MAP2K5: variants seen among roughly 807,000 people sequenced by gnomAD.
MAP2K5 encodes mitogen-activated protein kinase kinase 5.
Under a neutral mutation model 83.1 loss-of-function variants are expected in MAP2K5, and 49 were observed. That is an observed-to-expected ratio of 0.59 (90% CI 0.47 to 0.75). MAP2K5 has a LOEUF of 0.75. MAP2K5 is among the 30% of genes least tolerant of loss of function. The pLI is 0.00. For synonymous variants in MAP2K5, 202 were observed against 191.8 expected (o/e 1.05, Z -0.44); for missense variants, 457 against 557.5 (o/e 0.82, Z 1.82).
chr15:67,725,497 G>A (rs963906496), intron 16 of MAP2K5, among the ~76,000 whole-genome samples: 41 of 152,194 alleles, frequency 2.7e-4, no homozygotes, highest in Admixed American at 2.3e-3. Flanking sequence ...CTATATGTGT[G>A]GTGGGCAAGT....
intron 15 of MAP2K5, 27 bp downstream of exon 15, chr15:67,693,595 T>C: frequency 2.0e-6 from 3 of 1,513,924 alleles, no homozygotes; most frequent in Non-Finnish European, 2.8e-6. Context: ...AAAAATAATG[T>C]TTAAAACCAA....
chr15:67,744,091 A>G (rs2089553870), intron 17 of MAP2K5, among the ~76,000 whole-genome samples: 1 of 152,184 alleles, frequency 6.6e-6, no homozygotes, highest in South Asian at 2.1e-4. Flanking sequence ...GAACTAGATC[A>G]TCTCTGGGGT....
intron 11 of MAP2K5, among the ~76,000 whole-genome samples, chr15:67,648,274 T>C (rs1268140345): frequency 4.6e-5 from 7 of 152,204 alleles, no homozygotes; most frequent in Non-Finnish European, 1.0e-4. Flanking sequence ...ATTTATCTTC[T>C]GTCTCTATGG....
chr15:67,797,688 G>T (rs2090627963), intron 21 of MAP2K5, among the ~76,000 whole-genome samples: 1 of 151,612 alleles, frequency 6.6e-6, no homozygotes, highest in South Asian at 2.1e-4. Flanking sequence ...TCTTTCATTG[G>T]TTCTTTTTTT....
intron 3 of MAP2K5, among the ~76,000 whole-genome samples, chr15:67,575,569 A>G (rs1035753908): frequency 6.6e-6 from 1 of 152,200 alleles, no homozygotes; most frequent in Admixed American, 6.5e-5. Flanking sequence ...CTACCTATTT[A>G]GGTAAATGTT....
At chr15:67,560,726 T>C (rs1407239045) in intron 2 of MAP2K5, among the ~76,000 whole-genome samples, 1 of 152,250 alleles carries the variant, frequency 6.6e-6, no homozygotes, top group Non-Finnish European at 1.5e-5. Context: ...TTCTGGTAGC[T>C]GACTTCTTTC....
intron 19 of MAP2K5, among the ~76,000 whole-genome samples, chr15:67,756,515 C>CTCTG (rs376708425): frequency 3.0e-5 from 4 of 131,544 alleles, no homozygotes; most frequent in South Asian, 2.7e-4. Context: ...CACACAGTTA[C>CTCTG]TGTGTGTGTG....
At chr15:67,576,638 G>A (rs62015152) in intron 3 of MAP2K5, among the ~76,000 whole-genome samples, 15,509 of 147,122 alleles carry the variant, frequency 0.11, 2,232 homozygotes, top group East Asian at 0.15. Context: ...GATTATCGCT[G>A]CAGTTACTGC....
intron 17 of MAP2K5, among the ~76,000 whole-genome samples, chr15:67,745,185 C>G (rs2089577400): frequency 6.6e-6 from 1 of 152,176 alleles, no homozygotes; most frequent in Non-Finnish European, 1.5e-5. Context: ...TCAACACACG[C>G]AAAATGTATA....
rs934286297 is a variant in MAP2K5 at position 67,757,379 on chromosome 15, C to T, written c.1134+8778C>T. Among the ~76,000 whole-genome samples the T allele has an allele frequency of 2.0e-5, 3 of 152,184 alleles. No individual in the cohort carries two copies. Among genetic ancestry groups the T allele is most frequent in the Admixed American group, 6.5e-5 (1 of 15,278 alleles). On this transcript the variant is annotated intron_variant, in intron 19 of 21. Transcript: ENST00000178640. The surrounding 1 kb of genome is among the most constrained non-coding windows in gnomAD (Gnocchi z 4.9). ...ACACATTTCTAAAAGCCCTTGACCC[C>T]TTTATGTTGCTCAAAAACCCAACCT... is the stretch of plus-strand genomic sequence containing the variant.
chr15:67,647,534 C>T (rs1438853824), intron 11 of MAP2K5, among the ~76,000 whole-genome samples: 2 of 152,024 alleles, frequency 1.3e-5, no homozygotes, highest in Admixed American at 6.6e-5. Flanking sequence ...ATTGCTTGAG[C>T]CCAGGAGTTT....
At chr15:67,604,831 GT>G (rs2085744113) in intron 8 of MAP2K5, among the ~76,000 whole-genome samples, 1 of 151,738 alleles carries the variant, frequency 6.6e-6, no homozygotes, top group Non-Finnish European at 1.5e-5. Flanking sequence ...GGAGGTGGAG[GT>G]TGCAGTGAGC....
chr15:67,644,494 T>C lies in MAP2K5; in HGVS notation c.586-1737T>C, dbSNP rs1265108466. Among the ~76,000 whole-genome samples, 1 of 152,096 alleles carries C rather than the reference T, an allele frequency of 6.6e-6. No individual in the cohort carries two copies. Among genetic ancestry groups the C allele is most frequent in the Non-Finnish European group, 1.5e-5 (1 of 68,022 alleles). On this transcript the variant is annotated intron_variant, in intron 9 of 21. Coordinates refer to ENST00000178640, the MANE Select transcript of MAP2K5 (RefSeq NM_145160.3). The surrounding 1 kb of genome is among the most constrained non-coding windows in gnomAD (Gnocchi z 4.6). ...TATGGTCTTCTTTCTTAAAAAAATA[T>C]GTGTTTGAAATAAACTAGAATTTAT... is the stretch of plus-strand genomic sequence containing the variant.
At chr15:67,741,483 C>G (rs1359917887) in intron 17 of MAP2K5, among the ~76,000 whole-genome samples, 1 of 152,274 alleles carries the variant, frequency 6.6e-6, no homozygotes, top group Non-Finnish European at 1.5e-5. Flanking sequence ...AACAGCAGGT[C>G]TCTTTTCCTC....
chr15:67,696,956 G>A (rs914268800), intron 15 of MAP2K5, among the ~76,000 whole-genome samples: 2 of 152,180 alleles, frequency 1.3e-5, no homozygotes, highest in Non-Finnish European at 2.9e-5. Flanking sequence ...TCCAGCCTGG[G>A]CAACAAGAGT....
intron 8 of MAP2K5, among the ~76,000 whole-genome samples, chr15:67,624,670 C>A (rs2086273976): frequency 6.6e-6 from 1 of 151,280 alleles, no homozygotes; most frequent in African/African-American, 2.4e-5. Flanking sequence ...GCTCTTGTTT[C>A]CCAGGCTGGA....
intron 14 of MAP2K5, among the ~76,000 whole-genome samples, chr15:67,693,142 A>G (rs1200594276): frequency 1.3e-5 from 2 of 152,198 alleles, no homozygotes; most frequent in African/African-American, 4.8e-5. Flanking sequence ...TGTTCATTTC[A>G]TTCTAGTAAT....
At position 67,780,841 on chromosome 15, in the gene MAP2K5, A is replaced by T. The variant is rs531124867; in HGVS notation, c.1242+8089A>T. Among the ~76,000 whole-genome samples, 3 of 152,284 alleles carry T rather than the reference A, an allele frequency of 2.0e-5. No homozygotes were observed. Among genetic ancestry groups the T allele is most frequent in the Non-Finnish European group, 2.9e-5 (2 of 68,002 alleles). On this transcript the variant is annotated intron_variant, in intron 21 of 21. Transcript: ENST00000178640. The surrounding 1 kb of genome is among the most constrained non-coding windows in gnomAD (Gnocchi z 5.0). ...CCAGGGTTTAGCCATCCCACCCTGGATGTATGGACAGAGCTAGGAGGTGCT... is the reference window on the plus strand; with the variant it reads ...CCAGGGTTTAGCCATCCCACCCTGGTTGTATGGACAGAGCTAGGAGGTGCT...
Position 67,590,468 on chromosome 15 carries a change from T to TCTCA in MAP2K5, c.432-2455_432-2454insACTC, listed in dbSNP as rs1555529576. On this transcript the variant is annotated intron_variant, in intron 6 of 21. Coordinates refer to ENST00000178640, the MANE Select transcript of MAP2K5 (RefSeq NM_145160.3). ...CTCCCTCTCTCTCTCTCTCTCTCTC[T>TCTCA]CTCTCTCTTTGTTTCTTTTTGAGAC... is the stretch of plus-strand genomic sequence containing the variant. 4.8e-4 allele frequency among the ~76,000 whole-genome samples: 13 copies of TCTCA among 27,250 alleles called. 1 individual carries two copies. The highest frequency in any genetic ancestry group is 3.0e-3 in the East Asian group (3 of 1,016). 17.9% of individuals were successfully genotyped at this position (27,250 alleles called of 152,430 possible).
Sources: allele counts gnomAD v4.1 joint callset (sites outside exome capture counted in the v4.1 genomes callset), GRCh38; gene constraint gnomAD v4.1.1; non-coding constraint Gnocchi (gnomAD v3.1); transcripts MANE v1.5; gene names NCBI Gene and HGNC (gene_info 2026-07-23, HGNC 2026-07-21).